The following DOK7 variants were observed in gnomAD, a reference collection of about 807,000 sequenced individuals.
DOK7 encodes the protein protein Dok-7.
DOK7 carries 32 observed loss-of-function variants against 30.7 expected under a neutral mutation model. The ratio of observed to expected loss-of-function variants is 1.04; its 90% CI spans 0.79 to 1.40. The LOEUF (loss-of-function observed/expected upper bound fraction) is 1.40. Ranked by LOEUF, DOK7 falls within the 40% of genes most tolerant of loss-of-function variation. DOK7 has a pLI of 0.00. For synonymous variants in DOK7, 447 were observed against 324.1 expected (o/e 1.38, Z -4.07); for missense variants, 1,007 against 699.2 (o/e 1.44, Z -4.97).
chr4:3,469,612 C>A (rs1050079269), intron 2 of DOK7, among the ~76,000 whole-genome samples: 1 of 152,148 alleles, frequency 6.6e-6, no homozygotes, highest in African/African-American at 2.4e-5. Context: ...TGGCCATCCA[C>A]TCCTGAGTCC....
chr4:3,479,498 G>A (rs2109351789), intron 4 of DOK7, among the ~76,000 whole-genome samples: 1 of 152,378 alleles, frequency 6.6e-6, no homozygotes, highest in African/African-American at 2.4e-5. Context: ...CTGGAGTCGT[G>A]GGAAGGCCCT....
downstream of DOK7, chr4:3,496,944 G>A (rs973837244): frequency 2.6e-6 from 1 of 391,926 alleles, no homozygotes; most frequent in African/African-American, 2.3e-5. Context: ...GCCAGAGTTT[G>A]ACTAGATGGG....
Position 3,494,180 on chromosome 4 carries a change from G to C in DOK7, c.*679G>C. 2 of 985,570 alleles carry C rather than the reference G, an allele frequency of 2.0e-6. No individual in the cohort carries two copies. Among genetic ancestry groups the C allele is most frequent in the African/African-American group, 1.7e-5 (1 of 57,386 alleles). The allele number at this position is 985,570 out of a possible 1,614,324, so 61.1% of individuals were successfully genotyped here. On this transcript the variant is annotated 3_prime_UTR_variant, in exon 7 of 7. Transcript: ENST00000340083. ...GCCTCGCCTGCTGACCCCACTGGGA[G>C]AGGCGCCGTGCCTCGGGCCCCTGGT...
chr4:3,495,794 C>G (rs942356499), downstream of DOK7, among the ~76,000 whole-genome samples: 10 of 148,130 alleles, frequency 6.8e-5, no homozygotes, highest in African/African-American at 1.7e-4. Context: ...CCGCCTGCCC[C>G]CACCGGGAGC....
In DOK7 at chr4:3,480,214, C is replaced by T. The variant is rs142639448; in HGVS notation, c.532+3672C>T. Among the ~76,000 whole-genome samples, 549 of 152,354 alleles carry T rather than the reference C, an allele frequency of 3.6e-3. 3 individuals carry two copies. Among genetic ancestry groups the T allele is most frequent in the African/African-American group, 0.012 (503 of 41,580 alleles). Reference sequence around the variant, plus strand: ...TGCCCCCTTTTTCCCCCCTTACCTGCTCTCTCCAGCTGGGTCCAGTCCAAG... The same window carrying T: ...TGCCCCCTTTTTCCCCCCTTACCTGTTCTCTCCAGCTGGGTCCAGTCCAAG... On this transcript the variant is annotated intron_variant, in intron 4 of 6. Transcript: ENST00000340083.
In DOK7 at chr4:3,463,458, G is replaced by A. The variant is rs767030857; in HGVS notation, c.54+29G>A. On this transcript the variant is annotated intron_variant, in intron 1 of 6. Coordinates refer to ENST00000340083, the MANE Select transcript of DOK7 (RefSeq NM_173660.5). ...GGGGCGCGTCGGGGGCGCGGGGGGGGGGGGCGCGGGCGCGGGCGGCGGCTC... is the reference window on the plus strand; with the variant it reads ...GGGGCGCGTCGGGGGCGCGGGGGGGAGGGGCGCGGGCGCGGGCGGCGGCTC... 5.0e-5 allele frequency: 71 copies of A among 1,424,590 alleles called. 2 individuals are homozygous for A. The highest frequency in any genetic ancestry group is 2.5e-4 in the Middle Eastern group (1 of 3,986). The allele number at this position is 1,424,590 out of a possible 1,614,324, so 88.2% of individuals were successfully genotyped here.
intron 6 of DOK7, among the ~76,000 whole-genome samples, chr4:3,490,923 CCTTCCTTCTTCCCCT>C (rs1267912378): frequency 7.2e-6 from 1 of 138,310 alleles, no homozygotes; most frequent in Non-Finnish European, 1.5e-5. Flanking sequence ...CTCATTCATT[CCTTCCTTCTTCCCCT>C]GCTCATTCAT....
At chr4:3,489,839 C>T in intron 6 of DOK7, 43 bp downstream of exon 6, 1 of 1,555,990 alleles carries the variant, frequency 6.4e-7, no homozygotes, top group Non-Finnish European at 8.7e-7. Flanking sequence ...CTCGGCTAAG[C>T]CTCCAGCAGG....
intron 2 of DOK7, among the ~76,000 whole-genome samples, chr4:3,468,891 G>C (rs1726543957): frequency 6.8e-6 from 1 of 147,044 alleles, no homozygotes; most frequent in African/African-American, 2.5e-5. Flanking sequence ...GTGTGCCTGT[G>C]TATGTGTGCA....
downstream of DOK7, chr4:3,496,819 G>C (rs1251033868): frequency 6.5e-7 from 1 of 1,536,016 alleles, no homozygotes; most frequent in African/African-American, 1.4e-5. Context: ...CTTTGGTCTA[G>C]GGAGCGGCAG....
intron 5 of DOK7, among the ~76,000 whole-genome samples, chr4:3,489,454 G>C (rs532347632): frequency 6.6e-6 from 1 of 152,306 alleles, no homozygotes; most frequent in Admixed American, 6.5e-5. Flanking sequence ...CCATCCACGG[G>C]CACAGGGACC....
At chr4:3,500,214 G>C (rs967508324) in intron 6 of DOK7, 3 of 1,531,398 alleles carry the variant, frequency 2.0e-6, no homozygotes, top group Non-Finnish European at 2.6e-6. Flanking sequence ...TGCCCCTCTC[G>C]GTCCCCACCG....
chr4:3,489,796 G>A lies in DOK7; in HGVS notation c.772G>A (p.Gly258Arg). ...ACATGCGGGCAGGCCGGGCAGTGGA[G>A]GTAGGGCCGGGGGCTGACCTGGGCT... ...LSHAGRPGSG[G>R]DDRSLSSSSS... Residue 258 changes from glycine (G) to arginine (R), a missense_variant and splice_region_variant, in exon 6 of 7, where the codon GGG (glycine) becomes AGG (arginine). Coordinates refer to ENST00000340083, the MANE Select transcript of DOK7 (RefSeq NM_173660.5). The A allele has an allele frequency of 6.4e-7, 1 of 1,571,888 alleles. No individual in the cohort carries two copies. Among genetic ancestry groups the A allele is most frequent in the South Asian group, 1.2e-5 (1 of 85,640 alleles).
Position 3,476,678 on chromosome 4 carries a change from G to T in DOK7, c.532+136G>T, listed in dbSNP as rs1727114549. ...TCCAGAATGCGCCGGCAGGTGGACG[G>T]AGTCTCCCCACGCTCGATGTCCAAG... On this transcript the variant is annotated intron_variant, in intron 4 of 6. Transcript: ENST00000340083. 1.5e-5 allele frequency: 17 copies of T among 1,153,212 alleles called. 2 individuals are homozygous for T. The South Asian group carries it at 1.9e-4, about 13-fold the overall frequency. 71.4% of individuals were successfully genotyped at this position (1,153,212 alleles called of 1,614,324 possible). A position where few individuals can be genotyped will look rare whatever the true frequency, so the allele number is the denominator to read the frequency against.
downstream of DOK7, chr4:3,494,589 T>C: frequency 2.2e-6 from 2 of 917,444 alleles, no homozygotes; most frequent in Non-Finnish European, 2.6e-6. Context: ...CCCTGGCCTT[T>C]ATCTCAGAGA....
At chr4:3,489,914 CTTCT>C (rs1560225232) in intron 6 of DOK7, 118 bp downstream of exon 6, 4 of 1,429,486 alleles carry the variant, frequency 2.8e-6, no homozygotes, top group African/African-American at 2.8e-5. Context: ...TCATTCATTC[CTTCT>C]GTCTCCTGCT....
chr4:3,485,626 A>T lies in DOK7; in HGVS notation c.620A>T (p.Lys207Met). Residue 207 changes from lysine (K) to methionine (M), a missense_variant, in exon 5 of 7, where the codon AAG (lysine) becomes ATG (methionine). Physicochemically the swap from Lys to Met is moderately conservative, Grantham distance 95. Transcript: ENST00000340083. ...ATCGTCCGAGGCATCTCCCCCACCA[A>T]GGGCCCCTTTGGGCTGCGGCCGGTT... is the stretch of plus-strand genomic sequence containing the variant. ...DCIVRGISPT[K>M]GPFGLRPVLP... The T allele has an allele frequency of 1.2e-6, 2 of 1,604,458 alleles. No individual in the cohort carries two copies. Among genetic ancestry groups the T allele is most frequent in the Non-Finnish European group, 1.7e-6 (2 of 1,175,230 alleles).
At chr4:3,470,839 A>G (rs372397300) in intron 2 of DOK7, among the ~76,000 whole-genome samples, 2 of 152,320 alleles carry the variant, frequency 1.3e-5, no homozygotes, top group South Asian at 4.1e-4. Context: ...TCCTGACTGT[A>G]TTATTGGGAA....
chr4:3,486,712 C>T (rs566613805), intron 5 of DOK7, among the ~76,000 whole-genome samples: 3 of 151,824 alleles, frequency 2.0e-5, no homozygotes, highest in Non-Finnish European at 4.4e-5. Flanking sequence ...CTGCAGGTGT[C>T]TTCCTGCCTA....
Sources: allele counts gnomAD v4.1 joint callset (sites outside exome capture counted in the v4.1 genomes callset), GRCh38; gene constraint gnomAD v4.1.1; transcripts MANE v1.5; gene names NCBI Gene and HGNC (gene_info 2026-07-23, HGNC 2026-07-21).